FLVCR2: variants seen among roughly 807,000 people sequenced by gnomAD.
FLVCR2 encodes choline/ethanolamine transporter FLVCR2.
FLVCR2 carries 38 observed loss-of-function variants against 48.9 expected under a neutral mutation model. That is an observed-to-expected ratio of 0.78 (90% confidence interval 0.60 to 1.02). The LOEUF (loss-of-function observed/expected upper bound fraction) is 1.02, where lower values mean the gene tolerates loss of function less well. Among genes scored for constraint, FLVCR2 ranks in the 50% least tolerant of loss-of-function variants. FLVCR2 has a pLI of 0.00. For missense variants in FLVCR2, 664 were observed against 663.3 expected, an observed-to-expected ratio of 1.00 and a Z score of -0.01; for synonymous variants, 255 against 257.0, an observed-to-expected ratio of 0.99 and a Z score of 0.07.
chr14:75,642,495 G>T (rs1398746965), intron 9 of FLVCR2, among the ~76,000 whole-genome samples: 4 of 152,166 alleles, frequency 2.6e-5, no homozygotes, highest in African/African-American at 9.7e-5. Flanking sequence ...GTTCTAACCA[G>T]CTGGGAACCA....
chr14:75,620,951 C>T (rs941589943), intron 1 of FLVCR2, among the ~76,000 whole-genome samples: 4 of 152,322 alleles, frequency 2.6e-5, no homozygotes, highest in African/African-American at 9.6e-5. Flanking sequence ...AGGAATTACT[C>T]ATCTTCCTTC....
intron 2 of FLVCR2, among the ~76,000 whole-genome samples, chr14:75,624,195 C>G (rs940135379): frequency 2.8e-4 from 42 of 152,032 alleles, no homozygotes; most frequent in Admixed American, 6.5e-5. Context: ...AACCCCATCT[C>G]TATGAAAAAT....
rs1307386245 is a variant in FLVCR2, at chr14:75,588,075, C to T, written c.669+8434C>T. On this transcript the variant is annotated intron_variant, in intron 1 of 9. Transcript: ENST00000238667. Reference sequence around the variant, plus strand: ...ATGTAACTAAATTTTCTAGCAGCCGCATTAAAGATGTAAATTTTTTTTAAG... The same window carrying T: ...ATGTAACTAAATTTTCTAGCAGCCGTATTAAAGATGTAAATTTTTTTTAAG... Among the ~76,000 whole-genome samples, 7 of 152,120 alleles carry T rather than the reference C, an allele frequency of 4.6e-5. No homozygotes were observed. In the East Asian group the frequency reaches 1.3e-3, roughly 29 times the overall value.
At chr14:75,619,128 G>A (rs554617265) in intron 1 of FLVCR2, among the ~76,000 whole-genome samples, 48 of 152,102 alleles carry the variant, frequency 3.2e-4, no homozygotes, top group Non-Finnish European at 5.6e-4. Context: ...GGAGGCTGAG[G>A]TAGGAGAATC....
chr14:75,582,923 C>T lies in FLVCR2; in HGVS notation c.669+3282C>T, dbSNP rs111620227. Among the ~76,000 whole-genome samples, 1,444 of 149,208 alleles carry T rather than the reference C, an allele frequency of 9.7e-3. 9 individuals are homozygous for T. The highest frequency in any genetic ancestry group is 0.015 in the Non-Finnish European group (1,035 of 67,274). ...TGGGGTTTGGGAGATTAGCTGGACA[C>T]GATCAGCAGGGAGAGCACATTGTTT... On this transcript the variant is annotated intron_variant, in intron 1 of 9. Transcript: ENST00000238667.
At chr14:75,594,930 C>T (rs1451037975) in intron 1 of FLVCR2, among the ~76,000 whole-genome samples, 1 of 152,040 alleles carries the variant, frequency 6.6e-6, no homozygotes, top group Non-Finnish European at 1.5e-5. Context: ...GTTGTGCAGG[C>T]TGGTCTTGAA....
chr14:75,595,914 T>C (rs1889007719), intron 1 of FLVCR2: 20 of 1,215,128 alleles, frequency 1.6e-5, no homozygotes, highest in Non-Finnish European at 2.3e-5. Flanking sequence ...CTTTTTCTTC[T>C]CATACAGGCC....
At chr14:75,619,962 T>G (rs955278180) in intron 1 of FLVCR2, among the ~76,000 whole-genome samples, 2 of 152,212 alleles carry the variant, frequency 1.3e-5, no homozygotes, top group Non-Finnish European at 2.9e-5. Flanking sequence ...AGATATCCTG[T>G]GTTGGGACCT....
At chr14:75,619,194 T>A (rs1436224218) in intron 1 of FLVCR2, among the ~76,000 whole-genome samples, 1 of 152,046 alleles carries the variant, frequency 6.6e-6, no homozygotes, top group Non-Finnish European at 1.5e-5. Context: ...GCCACTGCAC[T>A]CCGTCCTGGT....
intron 4 of FLVCR2, 68 bp downstream of exon 4, chr14:75,633,764 C>G: frequency 8.2e-7 from 1 of 1,216,950 alleles, no homozygotes; most frequent in South Asian, 1.2e-5. Context: ...TTGGCAGGAC[C>G]TGGGATGACC....
chr14:75,591,895 C>T (rs1888892625), intron 1 of FLVCR2, among the ~76,000 whole-genome samples: 1 of 149,006 alleles, frequency 6.7e-6, no homozygotes, highest in Non-Finnish European at 1.5e-5. Context: ...CTCACTGTAC[C>T]TTGACCTCTG....
chr14:75,616,026 C>CAAAAAAAAAAAAAAAAAAAA (rs10629813), intron 1 of FLVCR2, among the ~76,000 whole-genome samples: 1 of 25,618 alleles, frequency 3.9e-5, no homozygotes, highest in Non-Finnish European at 6.5e-5. Flanking sequence ...GACTCCATCT[C>CAAAAAAAAAAAAAAAAAAAA]AAAAAAAAAA....
chr14:75,595,561 G>A (rs1888997580), intron 1 of FLVCR2, among the ~76,000 whole-genome samples: 1 of 152,212 alleles, frequency 6.6e-6, no homozygotes, highest in South Asian at 2.1e-4. Flanking sequence ...GTCCAGGGTT[G>A]TCATTTTGGA....
intron 1 of FLVCR2, among the ~76,000 whole-genome samples, chr14:75,583,391 T>C (rs910881294): frequency 6.6e-6 from 1 of 152,172 alleles, no homozygotes; most frequent in Non-Finnish European, 1.5e-5. Context: ...CAGGCTTTAA[T>C]CCTTTTAAAG....
chr14:75,638,905 C>T (rs914905150), intron 5 of FLVCR2, among the ~76,000 whole-genome samples: 1 of 152,100 alleles, frequency 6.6e-6, no homozygotes, highest in Non-Finnish European at 1.5e-5. Flanking sequence ...AGAGAAAGTT[C>T]TATGAAAGAA....
intron 1 of FLVCR2, among the ~76,000 whole-genome samples, chr14:75,591,627 G>A (rs79648872): frequency 1.4e-4 from 22 of 152,200 alleles, no homozygotes; most frequent in Admixed American, 5.2e-4. Context: ...GGGTCCTTGC[G>A]GTGGCCCTAC....
rs190579656 is a variant in FLVCR2 at position 75,599,839 on chromosome 14, C to G, written c.669+20198C>G. On this transcript the variant is annotated intron_variant, in intron 1 of 9. Transcript: ENST00000238667. ...GTCAAATGATTTTCATCAAGGGTGT[C>G]AAGACCATTCAATGAGGAAAAGACA... Among the ~76,000 whole-genome samples the G allele has an allele frequency of 3.2e-4, 48 of 152,278 alleles. 2 individuals carry two copies. The East Asian group carries it at 8.7e-3, about 28-fold the overall frequency.
At chr14:75,585,685 A>G (rs8019559) in intron 1 of FLVCR2, among the ~76,000 whole-genome samples, 25,758 of 152,092 alleles carry the variant, frequency 0.17, 3,677 homozygotes, top group African/African-American at 0.38. Context: ...TCAGACACCA[A>G]TGGAGTGTGG....
At chr14:75,599,700 C>T (rs1015156846) in intron 1 of FLVCR2, among the ~76,000 whole-genome samples, 3 of 152,194 alleles carry the variant, frequency 2.0e-5, no homozygotes, top group South Asian at 2.1e-4. Context: ...TTTCTGATGT[C>T]GGAACTTACT....
Sources: allele counts gnomAD v4.1 joint callset (sites outside exome capture counted in the v4.1 genomes callset), GRCh38; gene constraint gnomAD v4.1.1; transcripts MANE v1.5; gene names NCBI Gene and HGNC (gene_info 2026-07-23, HGNC 2026-07-21).